The following NUP210L variants were observed in gnomAD, a reference collection of about 807,000 sequenced individuals.
The protein encoded by NUP210L is nuclear pore membrane glycoprotein 210-like.
NUP210L carries 74 observed loss-of-function variants against 208.5 expected under a neutral mutation model. The ratio of observed to expected loss-of-function variants is 0.35; its 90% CI spans 0.29 to 0.43. The LOEUF (loss-of-function observed/expected upper bound fraction) is 0.43, where lower values mean the gene tolerates loss of function less well. NUP210L is among the 20% of genes least tolerant of loss of function. NUP210L has a pLI of 1.00. For synonymous variants in NUP210L, 780 were observed against 816.9 expected (o/e 0.95, Z 0.77); for missense variants, 1,843 against 2,289.4 (o/e 0.81, Z 3.98).
At position 154,126,303 on chromosome 1, in the gene NUP210L, ACTGT is replaced by A. The variant is rs760805783; in HGVS notation, c.1326+16_1326+19del. 5.6e-6 allele frequency: 9 copies of A among 1,604,860 alleles called. No homozygotes were observed. In the African/African-American group the frequency reaches 8.0e-5, roughly 14 times the overall value. Reference sequence around the variant, plus strand: ...TCTTCAGTGTTCTTAGAATACAAACACTGTCTGTTTAATTCCTACCTGGTAAATG... The same window carrying A: ...TCTTCAGTGTTCTTAGAATACAAACACTGTTTAATTCCTACCTGGTAAATG... On this transcript the variant is annotated intron_variant, in intron 10 of 39. Transcript: ENST00000368559.
At chr1:154,088,235 G>A (rs1571258142) in intron 16 of NUP210L, among the ~76,000 whole-genome samples, 1 of 152,074 alleles carries the variant, frequency 6.6e-6, no homozygotes, top group South Asian at 2.1e-4. Context: ...CTAACTGGGG[G>A]GTTGAGTTGG....
chr1:154,118,293 G>A (rs548439897), intron 11 of NUP210L, among the ~76,000 whole-genome samples: 2 of 151,510 alleles, frequency 1.3e-5, no homozygotes, highest in Non-Finnish European at 2.9e-5. Flanking sequence ...TGGGCAACAA[G>A]AGCAAAACTC....
chr1:154,047,109 T>C (rs1418520005), intron 25 of NUP210L, among the ~76,000 whole-genome samples: 2 of 151,852 alleles, frequency 1.3e-5, no homozygotes, highest in African/African-American at 2.4e-5. Context: ...GGAAGGGCAG[T>C]GGGTGGGTAG....
intron 33 of NUP210L, 59 bp downstream of exon 33, chr1:154,018,874 A>G (rs943258979): frequency 5.1e-6 from 8 of 1,575,170 alleles, no homozygotes; most frequent in Middle Eastern, 1.7e-4. Context: ...CTCTATGCAT[A>G]TCCTCATATG....
At chr1:154,099,170 A>G (rs1656329212) in intron 14 of NUP210L, among the ~76,000 whole-genome samples, 1 of 152,096 alleles carries the variant, frequency 6.6e-6, no homozygotes, top group Admixed American at 6.5e-5. Context: ...GCCTGGGTCC[A>G]CAGCTGCCAT....
intron 37 of NUP210L, among the ~76,000 whole-genome samples, chr1:153,998,855 C>A (rs192445231): frequency 6.6e-6 from 1 of 151,990 alleles, no homozygotes; most frequent in East Asian, 1.9e-4. Flanking sequence ...GCCTGGACTT[C>A]AGGTGCATGC....
At chr1:154,138,072 T>C (rs750272736) in intron 6 of NUP210L, 34 bp downstream of exon 6, 74 of 1,434,040 alleles carry the variant, frequency 5.2e-5, no homozygotes, top group Non-Finnish European at 6.0e-5. Context: ...ATTTGGGAAA[T>C]GTGAGTCATA....
chr1:154,118,270 T>C (rs1455553574), intron 11 of NUP210L, among the ~76,000 whole-genome samples: 1 of 151,236 alleles, frequency 6.6e-6, no homozygotes, highest in East Asian at 2.0e-4. Context: ...GATTGCACCA[T>C]TACACTCCAG....
chr1:154,108,330 G>A (rs549138954), intron 12 of NUP210L, among the ~76,000 whole-genome samples: 2 of 152,140 alleles, frequency 1.3e-5, no homozygotes, highest in Non-Finnish European at 2.9e-5. Context: ...GCTAATTTTT[G>A]TATTTTTAGT....
chr1:154,054,672 T>A, intron 24 of NUP210L, 98 bp downstream of exon 24: 1 of 936,694 alleles, frequency 1.1e-6, no homozygotes, highest in Non-Finnish European at 1.7e-6. Context: ...TGGGTGAGAG[T>A]AAATAAGAGA....
At chr1:154,036,046 C>T (rs542778628) in intron 27 of NUP210L, among the ~76,000 whole-genome samples, 169 of 150,892 alleles carry the variant, frequency 1.1e-3, no homozygotes, top group African/African-American at 4.0e-3. Flanking sequence ...GAACTTTTTT[C>T]TTAGTACTGC....
chr1:154,027,515 T>C, exon 29 of NUP210L: 1 of 1,605,584 alleles, frequency 6.2e-7, no homozygotes, highest in Non-Finnish European at 8.5e-7. Context: ...CCTGTTGGTA[T>C]GGAGTTTGAG....
At chr1:153,993,114 C>T (rs201922957) in intron 38 of NUP210L, 25 bp from the exon 39 acceptor site, 44 of 1,571,386 alleles carry the variant, frequency 2.8e-5, no homozygotes, top group Non-Finnish European at 1.7e-5. Context: ...GGAAATGTCA[C>T]AAGGCATATC....
chr1:154,126,242 A>G (rs1657969188), intron 10 of NUP210L, 81 bp downstream of exon 10: 7 of 1,228,362 alleles, frequency 5.7e-6, no homozygotes, highest in Non-Finnish European at 7.0e-6. Context: ...GGTATATGCT[A>G]TATATCTGCT....
At chr1:154,155,064 G>T (rs1256461487) in exon 1 of NUP210L, 4 of 1,571,100 alleles carry the variant, frequency 2.5e-6, no homozygotes, top group Non-Finnish European at 3.5e-6. Flanking sequence ...CAGGTCTCGG[G>T]TTCCCGCTCA....
chr1:154,054,728 A>C (rs771002714), intron 24 of NUP210L, 42 bp downstream of exon 24: 1 of 1,342,652 alleles, frequency 7.4e-7, no homozygotes, highest in Non-Finnish European at 1.1e-6. Flanking sequence ...GAGAGAGGTA[A>C]GGAGAAAAGG....
Position 154,025,532 on chromosome 1 carries a change from A to C in NUP210L, c.4122+10T>G. The C allele has an allele frequency of 6.3e-7, 1 of 1,580,522 alleles. No homozygotes were observed. The highest frequency in any genetic ancestry group is 8.6e-7 in the Non-Finnish European group (1 of 1,159,174). On this transcript the variant is annotated intron_variant, in intron 30 of 39. Coordinates refer to ENST00000368559, the Ensembl canonical transcript of NUP210L. The stretch of plus-strand genomic sequence containing the variant: ...TTTATTTGTTTTTTTTAGTAAGTCC[A>C]TGAACTCACCTGGACCCCAGTTATG...
At chr1:154,044,625 C>T (rs542955543) in intron 27 of NUP210L, among the ~76,000 whole-genome samples, 1 of 152,012 alleles carries the variant, frequency 6.6e-6, no homozygotes, top group East Asian at 1.9e-4. Flanking sequence ...GTTCTCTTTT[C>T]TTTTTAGCTG....
intron 2 of NUP210L, among the ~76,000 whole-genome samples, chr1:154,147,055 C>A (rs1232688702): frequency 1.3e-5 from 2 of 152,104 alleles, no homozygotes; most frequent in African/African-American, 2.4e-5. Context: ...AATTCCCCTT[C>A]CTTTAAATTG....
Sources: allele counts gnomAD v4.1 joint callset (sites outside exome capture counted in the v4.1 genomes callset), GRCh38; gene constraint gnomAD v4.1.1; transcripts MANE v1.5; gene names NCBI Gene and HGNC (gene_info 2026-07-23, HGNC 2026-07-21).